The following IDO2 variants were observed in gnomAD, a reference collection of about 807,000 sequenced individuals.
IDO2 encodes indoleamine 2,3-dioxygenase-like 1 protein.
IDO2 carries 46 observed loss-of-function variants against 45.1 expected under a neutral mutation model. The observed-to-expected ratio is 1.02, with a 90% CI of 0.80 to 1.30. IDO2 has a LOEUF of 1.30. IDO2 is among the 50% of genes most tolerant of loss of function. The pLI is 0.00. For synonymous variants in IDO2, 218 were observed against 184.9 expected (o/e 1.18, Z -1.45); for missense variants, 544 against 491.8 (o/e 1.11, Z -1.00).
At chr8:39,950,047 C>T (rs1165337884) in intron 2 of IDO2, among the ~76,000 whole-genome samples, 2 of 152,190 alleles carry the variant, frequency 1.3e-5, no homozygotes, top group South Asian at 2.1e-4. Context: ...AAAGCTTTTA[C>T]AGACCATCAG....
At chr8:39,964,672 G>A (rs1014001146) in intron 3 of IDO2, among the ~76,000 whole-genome samples, 1 of 152,220 alleles carries the variant, frequency 6.6e-6, no homozygotes, top group South Asian at 2.1e-4. Context: ...TGGCTTCAAT[G>A]TCTGTGAAGA....
At chr8:40,004,809 G>T (rs1325707713) in intron 8 of IDO2, among the ~76,000 whole-genome samples, 1 of 152,168 alleles carries the variant, frequency 6.6e-6, no homozygotes, top group African/African-American at 2.4e-5. Flanking sequence ...ATTAATGAAG[G>T]TAGCTAAACA....
chr8:39,956,030 ACGTTT>A (rs1414538879), intron 2 of IDO2, among the ~76,000 whole-genome samples: 143 of 148,934 alleles, frequency 9.6e-4, no homozygotes, highest in Non-Finnish European at 1.4e-3. Context: ...TCTTTAGGTT[ACGTTT>A]TCTTCATAAG....
intron 3 of IDO2, among the ~76,000 whole-genome samples, chr8:39,975,622 G>A (rs1808247714): frequency 6.6e-6 from 1 of 152,098 alleles, no homozygotes. Flanking sequence ...CTTAAAGTCT[G>A]GCATGAACAG....
intron 5 of IDO2, among the ~76,000 whole-genome samples, chr8:39,983,523 C>G (rs1447647584): frequency 6.6e-6 from 1 of 152,120 alleles, no homozygotes; most frequent in African/African-American, 2.4e-5. Context: ...TGGGAATCTA[C>G]TTAAAAGGGT....
intron 3 of IDO2, among the ~76,000 whole-genome samples, chr8:39,972,705 A>G (rs181846130): frequency 3.4e-4 from 51 of 151,436 alleles, no homozygotes; most frequent in Admixed American, 1.1e-3. Context: ...TGTGAAAGGA[A>G]GAGTCAATTG....
chr8:39,972,727 C>T (rs375403466), intron 3 of IDO2, among the ~76,000 whole-genome samples: 3 of 150,940 alleles, frequency 2.0e-5, no homozygotes, highest in Admixed American at 1.3e-4. Context: ...TGTGGCAAAC[C>T]GCCTTGTTTT....
At position 40,015,006 on chromosome 8, in the gene IDO2, A is replaced by G. The variant is rs188571088; in HGVS notation, c.869-241A>G. ...TCTACTAAAAGGAATACAAAAAAAT[A>G]TTAGCTGGGTGTGGTGGCGCACACC... On this transcript the variant is annotated intron_variant, in intron 10 of 10. Transcript: ENST00000502986. Among the ~76,000 whole-genome samples the G allele has an allele frequency of 6.1e-4, 93 of 152,242 alleles. No individual in the cohort carries two copies. The South Asian group carries it at 0.012, about 20-fold the overall frequency.
intron 8 of IDO2, among the ~76,000 whole-genome samples, chr8:40,002,154 A>G (rs11990433): frequency 0.46 from 70,001 of 151,976 alleles, 16,758 homozygotes; most frequent in South Asian, 0.54. Context: ...TTTAATTCAC[A>G]TATAATTACT....
At chr8:40,003,275 CAGG>C (rs1389775287) in intron 8 of IDO2, among the ~76,000 whole-genome samples, 1 of 147,886 alleles carries the variant, frequency 6.8e-6, no homozygotes, top group African/African-American at 2.5e-5. Context: ...GATGCTGAAG[CAGG>C]AGAATTGCTT....
At chr8:39,996,873 G>C (rs1189126541) in intron 8 of IDO2, among the ~76,000 whole-genome samples, 1 of 152,126 alleles carries the variant, frequency 6.6e-6, no homozygotes, top group African/African-American at 2.4e-5. Flanking sequence ...AACAAGTCTA[G>C]TGTTAACAAA....
intron 8 of IDO2, 37 bp downstream of exon 8, chr8:39,989,875 G>C (rs1281432500): frequency 6.9e-7 from 1 of 1,447,152 alleles, no homozygotes; most frequent in Non-Finnish European, 9.5e-7. Flanking sequence ...GATCCCCCAG[G>C]GGTCCTGGGC....
At chr8:39,939,993 G>A (rs1807619740) in intron 1 of IDO2, among the ~76,000 whole-genome samples, 5 of 152,060 alleles carry the variant, frequency 3.3e-5, no homozygotes, top group Admixed American at 3.3e-4. Context: ...GATAGAAATG[G>A]ATACCTTGCT....
intron 8 of IDO2, among the ~76,000 whole-genome samples, chr8:40,002,775 A>C (rs1802159612): frequency 6.6e-6 from 1 of 152,020 alleles, no homozygotes. Context: ...GTGAGGCTCC[A>C]TCTCCAAAAA....
chr8:39,993,657 A>AATTCT (rs1320123144), intron 8 of IDO2, among the ~76,000 whole-genome samples: 1 of 152,172 alleles, frequency 6.6e-6, no homozygotes, highest in Non-Finnish European at 1.5e-5. Context: ...TTCTTTAATA[A>AATTCT]ATTCTATATG....
chr8:39,981,552 C>A (rs1808352384), intron 4 of IDO2, among the ~76,000 whole-genome samples: 1 of 152,138 alleles, frequency 6.6e-6, no homozygotes, highest in Non-Finnish European at 1.5e-5. Flanking sequence ...AGGCTCCCCA[C>A]ACCCACCACC....
chr8:39,979,835 T>G (rs72630535), intron 4 of IDO2, among the ~76,000 whole-genome samples: 130 of 151,348 alleles, frequency 8.6e-4, no homozygotes, highest in Non-Finnish European at 1.2e-3. Context: ...GCCTTTTTGC[T>G]TTAAAACAGG....
At chr8:39,992,681 T>G (rs1801956681) in intron 8 of IDO2, among the ~76,000 whole-genome samples, 1 of 152,192 alleles carries the variant, frequency 6.6e-6, no homozygotes, top group African/African-American at 2.4e-5. Context: ...ATGATAAACT[T>G]TCTTCTGCGT....
chr8:39,962,457 A>G (rs1370660281), intron 2 of IDO2, among the ~76,000 whole-genome samples: 2 of 152,218 alleles, frequency 1.3e-5, no homozygotes, highest in African/African-American at 2.4e-5. Flanking sequence ...GAAAATTCAT[A>G]TATTCTACAC....
Sources: allele counts gnomAD v4.1 joint callset (sites outside exome capture counted in the v4.1 genomes callset), GRCh38; gene constraint gnomAD v4.1.1; transcripts MANE v1.5; gene names NCBI Gene and HGNC (gene_info 2026-07-23, HGNC 2026-07-21).